Variants in UBTF observed in about 807,000 individuals in gnomAD.
UBTF encodes upstream binding transcription factor.
In UBTF, 8 loss-of-function variants were observed where a neutral mutation model predicts 112.3. The observed-to-expected ratio is 0.07, with a 90% CI of 0.04 to 0.13. The LOEUF (loss-of-function observed/expected upper bound fraction) is 0.13, where lower values mean the gene tolerates loss of function less well. Ranked by LOEUF, UBTF falls within the 10% of genes least tolerant of loss-of-function variation. The probability of loss-of-function intolerance (pLI) is 1.00; values close to 1 mark genes in which losing one functional copy is unlikely to be tolerated. For missense variants in UBTF, 457 were observed against 982.1 expected (o/e 0.47, Z 7.15); for synonymous variants, 417 against 373.1 (o/e 1.12, Z -1.36).
chr17:44,210,607 C>T, intron 13 of UBTF, 134 bp from the exon 14 acceptor site: 2 of 1,390,616 alleles, frequency 1.4e-6, no homozygotes, highest in South Asian at 3.0e-5. Flanking sequence ...GGGGCTCGCC[C>T]CCGCCTGGTC....
rs2144520884 is a variant in UBTF at position 44,207,033 on chromosome 17, C to G, written c.*209G>C. ...GTTGCTGTCCCTGGAGGAGGACCCC[C>G]AAGGGCTGATGTCTCTGAGGCTGCA... On this transcript the variant is annotated 3_prime_UTR_variant, in exon 21 of 21. Coordinates refer to ENST00000436088, the MANE Select transcript of UBTF (RefSeq NM_014233.4). 1.6e-6 allele frequency: 1 copy of G among 611,628 alleles called. No individual in the cohort carries two copies. Among genetic ancestry groups the G allele is most frequent in the East Asian group, 2.8e-5 (1 of 35,520 alleles). The allele number at this position is 611,628 out of a possible 1,614,324, so 37.9% of individuals were successfully genotyped here.
Position 44,207,371 on chromosome 17 carries a change from G to A in UBTF, c.2170-4C>T. 6.2e-7 allele frequency: 1 copy of A among 1,612,648 alleles called. No homozygotes were observed. The highest frequency in any genetic ancestry group is 8.5e-7 in the Non-Finnish European group (1 of 1,179,424). On this transcript the variant is annotated splice_region_variant and splice_polypyrimidine_tract_variant and intron_variant, in intron 20 of 20. Coordinates refer to ENST00000436088, the MANE Select transcript of UBTF (RefSeq NM_014233.4). ...CGTCCTCGTCATCCTCTTCATTCTG[G>A]GGGGTGAGAAAGGATGTGGAGTCAC...
At chr17:44,214,709 G>A (rs760998128) in intron 5 of UBTF, among the ~76,000 whole-genome samples, 11 of 152,124 alleles carry the variant, frequency 7.2e-5, no homozygotes, top group Non-Finnish European at 1.5e-4. Context: ...ATGCCAACCA[G>A]GAAAAAGGGC....
intron 7 of UBTF, 145 bp downstream of exon 7, chr17:44,212,674 C>G: frequency 7.0e-7 from 1 of 1,422,534 alleles, no homozygotes; most frequent in Non-Finnish European, 9.6e-7. Flanking sequence ...TGCACGCCAG[C>G]TGGCCCGGGC....
upstream of UBTF, chr17:44,220,790 C>G (rs1183519050): frequency 6.6e-6 from 1 of 152,004 alleles, no homozygotes; most frequent in African/African-American, 2.4e-5. Flanking sequence ...GCACGGCGGG[C>G]CGAACAGTCG....
rs1263220808 is a variant in UBTF at position 44,211,161 on chromosome 17, G to A, written c.1090-9C>T. 1.2e-6 allele frequency: 2 copies of A among 1,613,034 alleles called. No homozygotes were observed. Among genetic ancestry groups the A allele is most frequent in the Non-Finnish European group, 1.7e-6 (2 of 1,179,892 alleles). ...TCCTCCTCAGGCAGGCTCTGGACAG[G>A]AAAGAGGAGCACGGGGCTGCATGCC... On this transcript the variant is annotated splice_polypyrimidine_tract_variant and intron_variant, in intron 11 of 20. Coordinates refer to ENST00000436088, the MANE Select transcript of UBTF (RefSeq NM_014233.4). This position sits in a 1 kb window ranked among gnomAD's most constrained non-coding sequence, Gnocchi z 4.9.
intron 2 of UBTF, among the ~76,000 whole-genome samples, chr17:44,217,303 A>T (rs1057275909): frequency 3.3e-5 from 5 of 152,168 alleles, no homozygotes; most frequent in Admixed American, 6.5e-5. Flanking sequence ...AAGGAAACAG[A>T]AGCAGAAGCA....
rs201960018 is a variant in UBTF, at chr17:44,212,470, C to T, written c.661-16G>A. The T allele has an allele frequency of 6.0e-3, 9,042 of 1,506,942 alleles. 31 individuals are homozygous for T. Among genetic ancestry groups the T allele is most frequent in the Non-Finnish European group, 7.4e-3 (8,160 of 1,100,314 alleles). The allele number at this position is 1,506,942 out of a possible 1,614,324, so 93.3% of individuals were successfully genotyped here. Reference sequence around the variant, plus strand: ...TCGTAGTGGCCTGCAAACCAAAAGCCGTCAGACACGCACAGGCAGCCAGGG... The same window carrying T: ...TCGTAGTGGCCTGCAAACCAAAAGCTGTCAGACACGCACAGGCAGCCAGGG... On this transcript the variant is annotated splice_polypyrimidine_tract_variant and intron_variant, in intron 7 of 20. Transcript: ENST00000436088.
intron 17 of UBTF, 172 bp downstream of exon 17, chr17:44,209,180 A>T (rs1456882541): frequency 1.2e-5 from 8 of 682,462 alleles, no homozygotes; most frequent in Non-Finnish European, 1.6e-5. Flanking sequence ...AAATAAAAAA[A>T]AAAATAAAAA....
upstream of UBTF, among the ~76,000 whole-genome samples, chr17:44,220,399 C>A (rs2047126934): frequency 6.6e-6 from 1 of 152,128 alleles, no homozygotes; most frequent in Non-Finnish European, 1.5e-5. Flanking sequence ...CACCCTCATC[C>A]CCCGGAGCGT....
At chr17:44,210,768 C>A in intron 13 of UBTF, 24 bp downstream of exon 13, 1 of 1,554,190 alleles carries the variant, frequency 6.4e-7, no homozygotes, top group Non-Finnish European at 8.7e-7. Flanking sequence ...CCTGGGGGCA[C>A]AGCGCTCCGC....
intron 1 of UBTF, chr17:44,218,531 G>A (rs1333606220): frequency 3.0e-6 from 1 of 328,248 alleles, no homozygotes; most frequent in Non-Finnish European, 5.2e-6. Context: ...GCCACGCGAG[G>A]GCCTGCTCCT....
intron 8 of UBTF, 63 bp from the exon 9 acceptor site, chr17:44,212,069 G>A: frequency 6.4e-7 from 1 of 1,564,136 alleles, no homozygotes; most frequent in African/African-American, 1.4e-5. Context: ...GCAGGGGCAG[G>A]GGGAGAGCCG....
chr17:44,218,211 A>AGTC lies in UBTF; in HGVS notation c.16_18dup (p.Asp6dup). On this transcript the variant is annotated inframe_insertion, in exon 2 of 21. Transcript: ENST00000436088. ...GCGGCCATTTCCAGGTCTGTGGGGC[A>AGTC]GTCGGCTTCTCCGTTCATCCTCCAG... The AGTC allele has an allele frequency of 6.2e-7, 1 of 1,612,380 alleles. No homozygotes were observed. Among genetic ancestry groups the AGTC allele is most frequent in the South Asian group, 1.1e-5 (1 of 91,018 alleles).
upstream of UBTF, among the ~76,000 whole-genome samples, chr17:44,220,284 G>C (rs999904003): frequency 7.9e-5 from 12 of 151,796 alleles, no homozygotes; most frequent in African/African-American, 2.7e-4. Flanking sequence ...GAGGCTCGGG[G>C]GGCGCCCACA....
At chr17:44,220,505 T>A (rs1403368986), upstream of UBTF, among the ~76,000 whole-genome samples, 4 of 148,504 alleles carry the variant, frequency 2.7e-5, no homozygotes, top group African/African-American at 1.0e-4. Flanking sequence ...ATACGAAACT[T>A]AAAAAAAAAC....
intron 15 of UBTF, 150 bp downstream of exon 15, chr17:44,209,974 C>T: frequency 1.1e-6 from 1 of 897,386 alleles, no homozygotes; most frequent in Non-Finnish European, 1.8e-6. Flanking sequence ...GTCACCCCCA[C>T]CTTACTGATG....
intron 5 of UBTF, 120 bp downstream of exon 5, chr17:44,215,534 G>A: frequency 7.7e-7 from 1 of 1,303,904 alleles, no homozygotes; most frequent in Non-Finnish European, 1.1e-6. Context: ...CTATTCTGCT[G>A]TGCTGACTCA....
rs371467697 is a variant in UBTF at position 44,216,519 on chromosome 17, G to A, written c.234+10C>T. 1 of 1,613,820 alleles carries A rather than the reference G, an allele frequency of 6.2e-7. No homozygotes were observed. Among genetic ancestry groups the A allele is most frequent in the Non-Finnish European group, 8.5e-7 (1 of 1,179,690 alleles). On this transcript the variant is annotated intron_variant, in intron 3 of 20. Coordinates refer to ENST00000436088, the MANE Select transcript of UBTF (RefSeq NM_014233.4). ...GTATGTGTGTATGTCAGAAAAGGGG[G>A]ATCAGTTACCTCATTAGAAATCTCC...
Sources: gnomAD v4.1 joint callset for allele counts (sites outside exome capture counted in the v4.1 genomes callset) on GRCh38, gnomAD v4.1.1 for gene constraint, Gnocchi (gnomAD v3.1) non-coding constraint, MANE v1.5 for transcripts, NCBI Gene and HGNC (gene_info 2026-07-23, HGNC 2026-07-21) for gene names.